CLCN6: variants seen among roughly 807,000 people sequenced by gnomAD.
CLCN6 encodes the protein Cl-/H+ antiporter 6.
CLCN6 carries 70 observed loss-of-function variants against 109.8 expected under a neutral mutation model. That is an observed-to-expected ratio of 0.64 (90% CI 0.53 to 0.78). CLCN6 has a LOEUF of 0.78. Ranked by LOEUF, CLCN6 falls within the 30% of genes least tolerant of loss-of-function variation. The pLI is 0.00. For missense variants in CLCN6, 984 were observed against 1,142.3 expected (o/e 0.86, Z 2.00); for synonymous variants, 444 against 447.8 (o/e 0.99, Z 0.11).
At chr1:11,819,105 G>A (rs198392) in intron 4 of CLCN6, among the ~76,000 whole-genome samples, 64,868 of 152,106 alleles carry the variant, frequency 0.43, 14,424 homozygotes, top group African/African-American at 0.54. Context: ...CTCATCAGCT[G>A]TCATTAGTGT....
rs756455234 is a variant in CLCN6 at position 11,816,660 on chromosome 1, A to G, written c.259A>G (p.Ile87Val). The G allele has an allele frequency of 2.5e-6, 4 of 1,612,836 alleles. No individual in the cohort carries two copies. The highest frequency in any genetic ancestry group is 2.2e-5 in the South Asian group (2 of 90,754). ...EAVKWMVVFA[I>V]GVCTGLVGLF... is the part of the protein sequence containing the mutation. ...GGTGAAGTGGATGGTGGTGTTTGCC[A>G]TTGGAGTCTGCACTGGCCTGGTGAG... The change falls in exon 4 of 23, where the codon ATT becomes GTT. Residue 87 changes from isoleucine to valine, a missense_variant. By Grantham distance (29) the Ile-to-Val change is conservative. Coordinates refer to ENST00000346436, the MANE Select transcript of CLCN6 (RefSeq NM_001286.5).
chr1:11,816,520 T>G, intron 3 of CLCN6, 95 bp from the exon 4 acceptor site: 1 of 1,121,100 alleles, frequency 8.9e-7, no homozygotes, highest in Non-Finnish European at 1.3e-6. Flanking sequence ...GCTCTCCACG[T>G]GGAATTTAGC....
intron 18 of CLCN6, 122 bp from the exon 19 acceptor site, chr1:11,836,877 C>T (rs1008905112): frequency 1.8e-6 from 2 of 1,109,416 alleles, no homozygotes; most frequent in Non-Finnish European, 1.3e-6. Context: ...AACCTCAGCC[C>T]CATTAAGTTC....
intron 7 of CLCN6, 67 bp from the exon 8 acceptor site, chr1:11,824,419 C>A: frequency 2.3e-6 from 3 of 1,330,456 alleles, no homozygotes; most frequent in Non-Finnish European, 2.1e-6. Context: ...GTTTTTGTAG[C>A]CAAGGTCTCC....
chr1:11,807,678 C>T lies in CLCN6; in HGVS notation c.147+488C>T, dbSNP rs528001577. 3.3e-5 allele frequency among the ~76,000 whole-genome samples: 5 copies of T among 152,250 alleles called. No individual in the cohort carries two copies. The South Asian group carries it at 8.3e-4, about 25-fold the overall frequency. ...TTAGAGTATGTGTTTTTAGTAAAGC[C>T]AACACTGCTGGGGTGAAACAACATG... On this transcript the variant is annotated intron_variant, in intron 2 of 22. Transcript: ENST00000346436.
intron 18 of CLCN6, among the ~76,000 whole-genome samples, chr1:11,836,359 C>T (rs1289464273): frequency 3.3e-5 from 5 of 152,108 alleles, no homozygotes; most frequent in South Asian, 2.1e-4. Context: ...GCGTTCTTGC[C>T]GCAATGAGCA....
intron 7 of CLCN6, 94 bp from the exon 8 acceptor site, chr1:11,824,392 C>A: frequency 1.1e-6 from 1 of 895,596 alleles, no homozygotes. Flanking sequence ...CATCTCTGTT[C>A]AGTTGTCACG....
intron 8 of CLCN6, among the ~76,000 whole-genome samples, chr1:11,825,446 G>C (rs187250940): frequency 6.6e-6 from 1 of 152,216 alleles, no homozygotes; most frequent in African/African-American, 2.4e-5. Context: ...GAGCAGAGCA[G>C]ACTCGGTCTT....
chr1:11,815,865 G>T lies in CLCN6; in HGVS notation c.167G>T (p.Cys56Phe). Reference protein sequence around the residue: ...KDYESLDYDRCINDPYLEVLE... With the variant: ...KDYESLDYDRFINDPYLEVLE... ...TTTCAGAGTTTGGATTATGATCGCT[G>T]TATCAATGACCCTTACCTGGAAGTT... Residue 56 changes from cysteine to phenylalanine, a missense_variant, in exon 3 of 23, where the codon TGT becomes TTT. Coordinates refer to ENST00000346436, the MANE Select transcript of CLCN6 (RefSeq NM_001286.5). 6.2e-7 allele frequency: 1 copy of T among 1,613,882 alleles called. No individual in the cohort carries two copies. The highest frequency in any genetic ancestry group is 2.2e-5 in the East Asian group (1 of 44,874).
rs1450554241 is a variant in CLCN6, at chr1:11,842,291, GTT to G, written c.*2069_*2070del. The G allele has an allele frequency of 1.3e-5, 2 of 152,594 alleles. No homozygotes were observed. The highest frequency in any genetic ancestry group is 4.8e-5 in the African/African-American group (2 of 41,426). The allele number at this position is 152,594 out of a possible 1,614,324, so 9.5% of individuals were successfully genotyped here. ...TTGTGTTTAAGTCACCAGATATTTT[GTT>G]CCCATCAGTTTAGCCCAGAGATAGA... On this transcript the variant is annotated 3_prime_UTR_variant, in exon 23 of 23. Transcript: ENST00000346436.
rs917735469 is a variant in CLCN6, at chr1:11,834,765, G to A, written c.1793+175G>A. On this transcript the variant is annotated intron_variant, in intron 17 of 22. Coordinates refer to ENST00000346436, the MANE Select transcript of CLCN6 (RefSeq NM_001286.5). The surrounding 1 kb of genome is among the most constrained non-coding windows in gnomAD (Gnocchi z 4.5). ...GAGCAGCCCATGGGCTGGGGGCTGC[G>A]GGGGCAGGGCAGGGGACACGGGCAC... Among the ~76,000 whole-genome samples, 3 of 152,160 alleles carry A rather than the reference G, an allele frequency of 2.0e-5. No individual in the cohort carries two copies. Among genetic ancestry groups the A allele is most frequent in the African/African-American group, 4.8e-5 (2 of 41,430 alleles).
Position 11,824,494 on chromosome 1 carries a change from G to A in CLCN6, c.589G>A (p.Val197Met), listed in dbSNP as rs200586664. ...VLFSVAGGLF[V>M]EKEGPMIHSG... ...TTTTTCACCCTGCCCAGGGCTCTTC[G>A]TGGAGAAGGAAGGCCCCATGATCCA... is the stretch of plus-strand genomic sequence containing the variant. The change falls in exon 8 of 23, where the codon GTG becomes ATG. Residue 197 changes from valine to methionine, a missense_variant. Val to Met is a conservative substitution (Grantham distance 21). Transcript: ENST00000346436. 37 of 1,613,638 alleles carry A rather than the reference G, an allele frequency of 2.3e-5. No individual in the cohort carries two copies. Among genetic ancestry groups the A allele is most frequent in the Middle Eastern group, 3.3e-4 (2 of 6,060 alleles).
At position 11,840,132 on chromosome 1, in the gene CLCN6, CTT is replaced by C; in HGVS notation, c.2530-9_2530-8del. The C allele has an allele frequency of 6.2e-7, 1 of 1,613,498 alleles. No homozygotes were observed. The highest frequency in any genetic ancestry group is 8.5e-7 in the Non-Finnish European group (1 of 1,179,608). On this transcript the variant is annotated splice_polypyrimidine_tract_variant and intron_variant, in intron 22 of 22. Coordinates refer to ENST00000346436, the MANE Select transcript of CLCN6 (RefSeq NM_001286.5). ...ACCCTGAAGGTGACTCAGGCCTTCT[CTT>C]TGCCCTAGATCGTGGGGATCATCAC...
At chr1:11,826,062 G>A in intron 8 of CLCN6, 94 bp from the exon 9 acceptor site, 1 of 950,370 alleles carries the variant, frequency 1.1e-6, no homozygotes, top group Non-Finnish European at 1.6e-6. Context: ...CCCCTGACCT[G>A]TGTTCTTTTT....
chr1:11,819,567 C>G lies in CLCN6; in HGVS notation c.346+13C>G. 3 of 1,613,098 alleles carry G rather than the reference C, an allele frequency of 1.9e-6. No homozygotes were observed. Among genetic ancestry groups the G allele is most frequent in the Non-Finnish European group, 2.5e-6 (3 of 1,179,114 alleles). On this transcript the variant is annotated intron_variant, in intron 5 of 22. Coordinates refer to ENST00000346436, the MANE Select transcript of CLCN6 (RefSeq NM_001286.5). ...GTGGTACAGACATGTATCCTTTTCA[C>G]GGTTCCTGGTGTTCGTGGACTTCAG...
chr1:11,820,161 C>T (rs748697026), intron 5 of CLCN6, among the ~76,000 whole-genome samples: 43 of 152,086 alleles, frequency 2.8e-4, no homozygotes, highest in African/African-American at 7.7e-4. Flanking sequence ...TAATAAAAGA[C>T]GCTGTGTTAT....
chr1:11,834,401 C>T lies in CLCN6; in HGVS notation c.1686+6C>T, dbSNP rs1310266067. 1 of 1,613,564 alleles carries T rather than the reference C, an allele frequency of 6.2e-7. No homozygotes were observed. Among genetic ancestry groups the T allele is most frequent in the Non-Finnish European group, 8.5e-7 (1 of 1,179,650 alleles). ...CCATCATGGTCACACTGATGGTGAG[C>T]ACACTCCCTCCAGGCCCCTGTCAGG... On this transcript the variant is annotated splice_donor_region_variant and intron_variant, in intron 16 of 22. Coordinates refer to ENST00000346436, the MANE Select transcript of CLCN6 (RefSeq NM_001286.5). The surrounding 1 kb of genome is among the most constrained non-coding windows in gnomAD (Gnocchi z 4.5).
At chr1:11,817,294 A>G (rs887260346) in intron 4 of CLCN6, among the ~76,000 whole-genome samples, 12 of 152,310 alleles carry the variant, frequency 7.9e-5, no homozygotes, top group African/African-American at 2.9e-4. Flanking sequence ...AACTGTGAAC[A>G]TCGTGCCCTT....
At position 11,806,286 on chromosome 1, in the gene CLCN6, G is replaced by GTGC. The variant is rs1553188887; in HGVS notation, c.34_36dup (p.Cys12dup). On this transcript the variant is annotated inframe_insertion, in exon 1 of 23. Transcript: ENST00000346436. The stretch of plus-strand genomic sequence containing the variant: ...AGATGGCGGGGTGCAGGGGGTCTCT[G>GTGC]TGCTGCTGCTGCAGGTGGTGCTGCT... 1.3e-6 allele frequency: 2 copies of GTGC among 1,506,168 alleles called. No individual in the cohort carries two copies. The highest frequency in any genetic ancestry group is 1.8e-6 in the Non-Finnish European group (2 of 1,138,130). The allele number at this position is 1,506,168 out of a possible 1,614,324, so 93.3% of individuals were successfully genotyped here.
Sources: allele counts gnomAD v4.1 joint callset (sites outside exome capture counted in the v4.1 genomes callset), GRCh38; gene constraint gnomAD v4.1.1; non-coding constraint Gnocchi (gnomAD v3.1); transcripts MANE v1.5; gene names NCBI Gene and HGNC (gene_info 2026-07-23, HGNC 2026-07-21).